HPSE2: variants seen among roughly 807,000 people sequenced by gnomAD.
HPSE2 encodes inactive heparanase-2.
In HPSE2, 38 loss-of-function variants were observed where a neutral mutation model predicts 60.5. The observed-to-expected ratio is 0.63, with a 90% CI of 0.48 to 0.82. The LOEUF is 0.82. HPSE2 is among the 40% of genes least tolerant of loss of function. The pLI, the probability that HPSE2 is intolerant of heterozygous loss-of-function variation, is 0.00. For synonymous variants in HPSE2, 295 were observed against 293.2 expected (o/e 1.01, Z -0.06); for missense variants, 713 against 740.4 (o/e 0.96, Z 0.43).
chr10:98,733,261 G>A lies in HPSE2; in HGVS notation c.784+10622C>T, dbSNP rs114720121. On this transcript the variant is annotated intron_variant, in intron 4 of 11. Coordinates refer to ENST00000370552, the MANE Select transcript of HPSE2 (RefSeq NM_021828.5). Reference sequence around the variant, plus strand: ...TCAGCCACCTGAGTAGCTGAGCCACGGGTGCACGCCAGCATATTCTGCTTA... The same window carrying A: ...TCAGCCACCTGAGTAGCTGAGCCACAGGTGCACGCCAGCATATTCTGCTTA... Among the ~76,000 whole-genome samples, 557 of 152,116 alleles carry A rather than the reference G, an allele frequency of 3.7e-3. 4 individuals are homozygous for A. Among genetic ancestry groups the A allele is most frequent in the African/African-American group, 0.013 (538 of 41,486 alleles).
At chr10:98,804,649 T>C (rs10883206) in intron 3 of HPSE2, among the ~76,000 whole-genome samples, 7,850 of 152,126 alleles carry the variant, frequency 0.052, 439 homozygotes, top group East Asian at 0.17. Flanking sequence ...GGAGAGGATG[T>C]ATACGGTACG....
intron 9 of HPSE2, among the ~76,000 whole-genome samples, chr10:98,562,016 A>C (rs1944201275): frequency 6.6e-6 from 1 of 152,236 alleles, no homozygotes; most frequent in East Asian, 1.9e-4. Context: ...AGCAGTTGCC[A>C]GTCCTGCAAG....
the HPSE2 span, among the ~76,000 whole-genome samples, chr10:99,303,868 C>T: frequency 1.3e-5 from 2 of 152,068 alleles, no homozygotes; most frequent in Non-Finnish European, 2.9e-5. Flanking sequence ...CTTGTTTAGC[C>T]TCTTAAAGTT....
Position 98,769,573 on chromosome 10 carries a change from G to A in HPSE2, c.611-25517C>T, listed in dbSNP as rs112476647. ...ACAGACCTGGCTGTCCCATGAGTGC[G>A]GGGTGTGGGTGCTAAATAATCCAGG... On this transcript the variant is annotated intron_variant, in intron 3 of 11. Coordinates refer to ENST00000370552, the MANE Select transcript of HPSE2 (RefSeq NM_021828.5). 5.5e-3 allele frequency among the ~76,000 whole-genome samples: 839 copies of A among 152,216 alleles called. 7 individuals carry two copies. Among genetic ancestry groups the A allele is most frequent in the Middle Eastern group, 0.01 (3 of 294 alleles).
chr10:99,168,225 T>C (rs1024183698), intron 2 of HPSE2, among the ~76,000 whole-genome samples: 1 of 152,142 alleles, frequency 6.6e-6, no homozygotes, highest in Non-Finnish European at 1.5e-5. Context: ...CATATCTCCA[T>C]GTAGGTCTTC....
chr10:99,304,374 C>T, the HPSE2 span, among the ~76,000 whole-genome samples: 2 of 152,206 alleles, frequency 1.3e-5, no homozygotes, highest in East Asian at 3.8e-4. Flanking sequence ...GACTGCAAAG[C>T]TGCCCTGAGC....
At chr10:99,047,649 T>C in intron 3 of HPSE2, 3 of 737,796 alleles carry the variant, frequency 4.1e-6, no homozygotes, top group South Asian at 3.0e-5. Flanking sequence ...ATGGATGGTG[T>C]AGAAGAGAAG....
At chr10:98,586,486 G>A (rs925211296) in intron 9 of HPSE2, among the ~76,000 whole-genome samples, 2 of 152,032 alleles carry the variant, frequency 1.3e-5, no homozygotes, top group African/African-American at 4.8e-5. Context: ...CTTAATTTAA[G>A]CATATAAATG....
At chr10:98,479,876 A>G (rs1406625994) in intron 11 of HPSE2, among the ~76,000 whole-genome samples, 5 of 152,198 alleles carry the variant, frequency 3.3e-5, no homozygotes, top group Non-Finnish European at 7.3e-5. Flanking sequence ...TATTTTCCAA[A>G]TTGAGTCTCA....
At chr10:98,782,930 T>A (rs1327032577) in intron 3 of HPSE2, among the ~76,000 whole-genome samples, 2 of 80,252 alleles carry the variant, frequency 2.5e-5, no homozygotes, top group Admixed American at 1.3e-4. Flanking sequence ...TTTTTTATTT[T>A]TTTTTTTAAT....
intron 5 of HPSE2, among the ~76,000 whole-genome samples, chr10:98,702,553 G>T (rs1948439394): frequency 6.6e-6 from 1 of 152,130 alleles, no homozygotes; most frequent in African/African-American, 2.4e-5. Flanking sequence ...ACACTTCTCA[G>T]CAAATGCAAA....
chr10:99,270,407 T>C, the HPSE2 span, among the ~76,000 whole-genome samples: 3 of 152,122 alleles, frequency 2.0e-5, no homozygotes, highest in African/African-American at 4.8e-5. Context: ...GATAAATTCC[T>C]GGAAATATGC....
chr10:98,665,052 A>G (rs1030530678), intron 6 of HPSE2, among the ~76,000 whole-genome samples: 1 of 152,232 alleles, frequency 6.6e-6, no homozygotes, highest in Admixed American at 6.5e-5. Context: ...GGAATCCAGT[A>G]AAATGATCCA....
intron 9 of HPSE2, among the ~76,000 whole-genome samples, chr10:98,559,181 C>T (rs1328756827): frequency 1.3e-5 from 2 of 152,174 alleles, no homozygotes; most frequent in Admixed American, 6.5e-5. Context: ...GCAGCTGCCA[C>T]CACGCCTGGC....
chr10:98,597,329 T>C (rs1205806372), intron 9 of HPSE2, among the ~76,000 whole-genome samples: 1 of 152,100 alleles, frequency 6.6e-6, no homozygotes, highest in Non-Finnish European at 1.5e-5. Context: ...AAGTAAAATT[T>C]CTATTCCTTT....
At chr10:99,288,460 A>C in the HPSE2 span, among the ~76,000 whole-genome samples, 7 of 152,186 alleles carry the variant, frequency 4.6e-5, no homozygotes, top group Non-Finnish European at 7.3e-5. Flanking sequence ...AGAAGGTGTA[A>C]ATTCTGAAAA....
chr10:98,568,647 C>T (rs748867143), intron 9 of HPSE2, among the ~76,000 whole-genome samples: 41 of 152,322 alleles, frequency 2.7e-4, no homozygotes, highest in Non-Finnish European at 5.4e-4. Flanking sequence ...GGTCCAACAA[C>T]TCCTTTCTCT....
chr10:99,294,660 G>A, the HPSE2 span, among the ~76,000 whole-genome samples: 129,696 of 151,630 alleles, frequency 0.86, 55,818 homozygotes, highest in African/African-American at 0.92. Context: ...TTGGCCGGGC[G>A]TGATGACTCA....
At chr10:98,987,035 T>C (rs1237990856) in intron 3 of HPSE2, among the ~76,000 whole-genome samples, 6 of 151,954 alleles carry the variant, frequency 3.9e-5, no homozygotes, top group East Asian at 3.9e-4. Flanking sequence ...CAGGACCAGA[T>C]GGATTCACAG....
Sources: allele counts gnomAD v4.1 joint callset (sites outside exome capture counted in the v4.1 genomes callset), GRCh38; gene constraint gnomAD v4.1.1; transcripts MANE v1.5; gene names NCBI Gene and HGNC (gene_info 2026-07-23, HGNC 2026-07-21).